The following LAMA2 variants were observed in gnomAD, a reference collection of about 807,000 sequenced individuals.
The protein encoded by LAMA2 is laminin subunit alpha-2.
A neutral mutation model predicts 364.8 loss-of-function variants in LAMA2; 269 were observed. The ratio of observed to expected loss-of-function variants is 0.74; its 90% CI spans 0.67 to 0.82. The LOEUF is 0.82. Ranked by LOEUF, LAMA2 falls within the 40% of genes least tolerant of loss-of-function variation. The pLI is 0.00. For synonymous variants in LAMA2, 1,379 were observed against 1,370.6 expected (o/e 1.01, Z -0.14); for missense variants, 3,807 against 3,873.2 (o/e 0.98, Z 0.45).
chr6:128,895,639 C>A (rs151142247), intron 1 of LAMA2, among the ~76,000 whole-genome samples: 1 of 152,028 alleles, frequency 6.6e-6, no homozygotes, highest in Non-Finnish European at 1.5e-5. Context: ...CAGAGCGAGA[C>A]TCCGTGAACT....
At position 129,240,131 on chromosome 6, in the gene LAMA2, C is replaced by T. The variant is rs564956549; in HGVS notation, c.1783-9981C>T. ...CTGATGTTCAAGGGCAGGAAGCATC[C>T]GGCATAGGAGAAAGATGAAGACTAG... On this transcript the variant is annotated intron_variant, in intron 12 of 64. Coordinates refer to ENST00000421865, the MANE Select transcript of LAMA2 (RefSeq NM_000426.4). Among the ~76,000 whole-genome samples the T allele has an allele frequency of 5.7e-4, 87 of 152,280 alleles. 1 individual carries two copies. Among genetic ancestry groups the T allele is most frequent in the African/African-American group, 1.6e-3 (67 of 41,560 alleles).
At chr6:129,231,633 G>A (rs1784673969) in intron 12 of LAMA2, among the ~76,000 whole-genome samples, 1 of 152,084 alleles carries the variant, frequency 6.6e-6, no homozygotes, top group Non-Finnish European at 1.5e-5. Flanking sequence ...CAGAAGCCAC[G>A]TTTTTTCTAG....
intron 4 of LAMA2, among the ~76,000 whole-genome samples, chr6:129,125,177 GAGT>G (rs1777038950): frequency 6.6e-6 from 1 of 152,202 alleles, no homozygotes; most frequent in South Asian, 2.1e-4. Context: ...GGGAAGGATT[GAGT>G]TGCTTTGAAA....
At chr6:129,374,314 T>G (rs573987792) in intron 34 of LAMA2, among the ~76,000 whole-genome samples, 1 of 152,278 alleles carries the variant, frequency 6.6e-6, no homozygotes, top group African/African-American at 2.4e-5. Flanking sequence ...GACCAGGGTA[T>G]GAGAAATGCA....
rs759155854 is a variant in LAMA2, at chr6:129,391,488, C to A, written c.5072-3C>A. ...TTTACAAAATTTGTTTTACCCCCTGCAGCTGTAAATGAAAAAGCTATAAAA... is the reference window on the plus strand; with the variant it reads ...TTTACAAAATTTGTTTTACCCCCTGAAGCTGTAAATGAAAAAGCTATAAAA... On this transcript the variant is annotated splice_region_variant and splice_polypyrimidine_tract_variant and intron_variant, in intron 35 of 64. Transcript: ENST00000421865. The A allele has an allele frequency of 2.5e-6, 4 of 1,612,564 alleles. No homozygotes were observed. The highest frequency in any genetic ancestry group is 3.3e-5 in the Admixed American group (2 of 59,998).
intron 1 of LAMA2, among the ~76,000 whole-genome samples, chr6:128,966,188 A>T (rs919416198): frequency 1.3e-5 from 2 of 151,916 alleles, no homozygotes; most frequent in Non-Finnish European, 2.9e-5. Context: ...TTCACATTGG[A>T]TTCAACCTGG....
chr6:129,036,766 A>G (rs1786666954), intron 1 of LAMA2, among the ~76,000 whole-genome samples: 2 of 152,242 alleles, frequency 1.3e-5, no homozygotes, highest in Non-Finnish European at 2.9e-5. Context: ...ATAAACAGGA[A>G]TAGAATACTT....
chr6:129,216,877 G>A (rs1783455876), intron 12 of LAMA2, among the ~76,000 whole-genome samples: 1 of 152,126 alleles, frequency 6.6e-6, no homozygotes, highest in African/African-American at 2.4e-5. Flanking sequence ...GAGCAAGAAG[G>A]TAAGCTGTAT....
At chr6:129,110,583 CA>C (rs1776101203) in intron 4 of LAMA2, among the ~76,000 whole-genome samples, 1 of 152,020 alleles carries the variant, frequency 6.6e-6, no homozygotes, top group African/African-American at 2.4e-5. Context: ...GGCACTCTGC[CA>C]TGCATTCTTC....
chr6:128,888,941 G>A (rs968846817), intron 1 of LAMA2, among the ~76,000 whole-genome samples: 3 of 152,158 alleles, frequency 2.0e-5, no homozygotes, highest in Non-Finnish European at 2.9e-5. Flanking sequence ...TCCACTGATA[G>A]AACACATTTA....
intron 33 of LAMA2, among the ~76,000 whole-genome samples, chr6:129,368,957 G>C (rs899710850): frequency 2.0e-5 from 3 of 152,132 alleles, no homozygotes; most frequent in African/African-American, 7.2e-5. Flanking sequence ...TGCAACAAGG[G>C]GCACTGAACA....
intron 1 of LAMA2, among the ~76,000 whole-genome samples, chr6:128,983,919 A>G (rs1384481928): frequency 6.6e-6 from 1 of 152,208 alleles, no homozygotes; most frequent in Non-Finnish European, 1.5e-5. Context: ...GGATCAGGTC[A>G]AGGTATGTTA....
At chr6:128,957,475 A>T (rs1781221533) in intron 1 of LAMA2, among the ~76,000 whole-genome samples, 15 of 151,956 alleles carry the variant, frequency 9.9e-5, no homozygotes, top group Admixed American at 9.9e-4. Flanking sequence ...AGGCTGAAAT[A>T]GTTATCTTTT....
intron 41 of LAMA2, among the ~76,000 whole-genome samples, chr6:129,434,837 A>C (rs1012404392): frequency 2.0e-5 from 3 of 152,162 alleles, no homozygotes; most frequent in African/African-American, 7.2e-5. Context: ...CTATCACCAA[A>C]GCTACAAAAT....
chr6:128,918,731 C>T (rs1191969617), intron 1 of LAMA2, among the ~76,000 whole-genome samples: 1 of 152,134 alleles, frequency 6.6e-6, no homozygotes, highest in Non-Finnish European at 1.5e-5. Context: ...TGACTCTGAG[C>T]CCCCAGTTTC....
intron 3 of LAMA2, among the ~76,000 whole-genome samples, chr6:129,065,612 A>C (rs968356547): frequency 6.6e-6 from 1 of 152,222 alleles, no homozygotes; most frequent in Non-Finnish European, 1.5e-5. Flanking sequence ...TAAACTAACG[A>C]GGAACTATCT....
intron 3 of LAMA2, among the ~76,000 whole-genome samples, chr6:129,079,701 A>G (rs1773915490): frequency 6.6e-6 from 1 of 152,200 alleles, no homozygotes; most frequent in Admixed American, 6.5e-5. Context: ...TGGAAAGAAT[A>G]GCAGTGAAGA....
intron 16 of LAMA2, among the ~76,000 whole-genome samples, chr6:129,268,351 T>C (rs1787657029): frequency 6.6e-6 from 1 of 150,748 alleles, no homozygotes; most frequent in African/African-American, 2.5e-5. Context: ...TTGGGAAAAA[T>C]ATTGGGTTAC....
At position 129,207,487 on chromosome 6, in the gene LAMA2, G is replaced by A. The variant is rs908135990; in HGVS notation, c.1782+14634G>A. ...CTATTACATTTCACATTTTATATTT[G>A]ATGTGGGTTGGAGGAGCCCCTTAGA... is the stretch of plus-strand genomic sequence containing the variant. On this transcript the variant is annotated intron_variant, in intron 12 of 64. Coordinates refer to ENST00000421865, the MANE Select transcript of LAMA2 (RefSeq NM_000426.4). Among the ~76,000 whole-genome samples, 6 of 152,054 alleles carry A rather than the reference G, an allele frequency of 3.9e-5. No homozygotes were observed. In the East Asian group the frequency reaches 5.8e-4, roughly 15 times the overall value.
Sources: gnomAD v4.1 joint callset for allele counts (sites outside exome capture counted in the v4.1 genomes callset) on GRCh38, gnomAD v4.1.1 for gene constraint, MANE v1.5 for transcripts, NCBI Gene and HGNC (gene_info 2026-07-23, HGNC 2026-07-21) for gene names.